Variants in POC1A observed in about 807,000 individuals in gnomAD.
POC1A encodes POC1 centriolar protein A.
Under a neutral mutation model 47.8 loss-of-function variants are expected in POC1A, and 34 were observed. The ratio of observed to expected loss-of-function variants is 0.71; its 90% CI spans 0.54 to 0.95. The LOEUF (loss-of-function observed/expected upper bound fraction) is 0.95. Ranked by LOEUF, POC1A falls within the 40% of genes least tolerant of loss-of-function variation. The pLI is 0.00. For synonymous variants in POC1A, 177 were observed against 207.6 expected (o/e 0.85, Z 1.27); for missense variants, 466 against 528.3 (o/e 0.88, Z 1.16).
At chr3:52,110,088 C>T (rs1467179892) in intron 9 of POC1A, among the ~76,000 whole-genome samples, 1 of 152,134 alleles carries the variant, frequency 6.6e-6, no homozygotes, top group African/African-American at 2.4e-5. Flanking sequence ...GAAAGACAGC[C>T]CGCCTCTAGC....
rs999793334 is a variant in POC1A at position 52,149,314 on chromosome 3, G to A, written c.351C>T (p.Ser117=). The A allele has an allele frequency of 1.2e-6, 2 of 1,614,184 alleles. No individual in the cohort carries two copies. The highest frequency in any genetic ancestry group is 1.7e-6 in the Non-Finnish European group (2 of 1,180,010). The part of the protein sequence containing the change: ...RSVHFCSDGQ[S]FVTASDDKTV... ...TCTTGTCGTCAGAGGCTGTCACGAA[G>A]GACTGGCCATCACTGCAGAAGTGGA... The change falls in exon 4 of 11, where the codon TCC becomes TCT. Residue 117 remains serine (S), a synonymous_variant. Transcript: ENST00000296484.
At chr3:52,142,748 C>A (rs1178531907) in intron 6 of POC1A, among the ~76,000 whole-genome samples, 1 of 152,186 alleles carries the variant, frequency 6.6e-6, no homozygotes, top group Admixed American at 6.5e-5. Context: ...GCGGATCAGG[C>A]ATCTGTTGCC....
Position 52,143,881 on chromosome 3 carries a change from G to A in POC1A, c.679+1965C>T, listed in dbSNP as rs553488761. On this transcript the variant is annotated intron_variant, in intron 6 of 10. Coordinates refer to ENST00000296484, the MANE Select transcript of POC1A (RefSeq NM_015426.5). Reference sequence around the variant, plus strand: ...CACATCTTTGGGACCCCGAGCCAGAGATGGCATCCAAGGCCCTTCCCAAGG... The same window carrying A: ...CACATCTTTGGGACCCCGAGCCAGAAATGGCATCCAAGGCCCTTCCCAAGG... Among the ~76,000 whole-genome samples the A allele has an allele frequency of 1.6e-4, 24 of 152,306 alleles. No individual in the cohort carries two copies. In the South Asian group the frequency reaches 4.8e-3, roughly 30 times the overall value.
At chr3:52,148,970 T>C (rs889854321) in intron 4 of POC1A, among the ~76,000 whole-genome samples, 3 of 152,188 alleles carry the variant, frequency 2.0e-5, no homozygotes, top group African/African-American at 7.2e-5. Flanking sequence ...TGTCAGAGGG[T>C]CATCATGGCT....
intron 4 of POC1A, among the ~76,000 whole-genome samples, chr3:52,147,648 G>A (rs1698412524): frequency 6.6e-6 from 1 of 151,788 alleles, no homozygotes; most frequent in Admixed American, 6.6e-5. Context: ...TCACTATGTT[G>A]CCCAGGCTGG....
intron 7 of POC1A, among the ~76,000 whole-genome samples, chr3:52,131,542 G>A (rs941540754): frequency 2.6e-5 from 4 of 152,102 alleles, no homozygotes; most frequent in Admixed American, 6.5e-5. Flanking sequence ...GCCACCACGC[G>A]GGTCTCCTGA....
intron 9 of POC1A, among the ~76,000 whole-genome samples, chr3:52,116,162 G>T (rs977490611): frequency 2.0e-5 from 3 of 152,144 alleles, no homozygotes; most frequent in Non-Finnish European, 4.4e-5. Flanking sequence ...AGGACCCCCA[G>T]ATCCAAAGCA....
chr3:52,077,240 G>A (rs1702144840), intron 10 of POC1A, among the ~76,000 whole-genome samples: 1 of 152,252 alleles, frequency 6.6e-6, no homozygotes, highest in Non-Finnish European at 1.5e-5. Context: ...CCTCACCCGT[G>A]TGCTTTCCCA....
intron 6 of POC1A, among the ~76,000 whole-genome samples, chr3:52,139,193 G>T (rs962532550): frequency 1.3e-5 from 2 of 152,186 alleles, no homozygotes; most frequent in Non-Finnish European, 2.9e-5. Flanking sequence ...GCACCTATGT[G>T]TAAGAGGTAC....
intron 9 of POC1A, among the ~76,000 whole-genome samples, chr3:52,100,424 C>T (rs1702960164): frequency 6.6e-6 from 1 of 152,132 alleles, no homozygotes; most frequent in South Asian, 2.1e-4. Context: ...TCCTTCCTAA[C>T]AAGAAAAAGA....
At position 52,138,321 on chromosome 3, in the gene POC1A, T is replaced by A. The variant is rs13064488; in HGVS notation, c.680-19A>T. On this transcript the variant is annotated intron_variant, in intron 6 of 10. Coordinates refer to ENST00000296484, the MANE Select transcript of POC1A (RefSeq NM_015426.5). Reference sequence around the variant, plus strand: ...CTGTGCACTGGGGGAAGGACATCAGTCAGGTGCTGGCTAGGAGGCACAGGG... The same window carrying A: ...CTGTGCACTGGGGGAAGGACATCAGACAGGTGCTGGCTAGGAGGCACAGGG... 64,286 of 1,603,442 alleles carry A rather than the reference T, an allele frequency of 0.04. 1,712 individuals carry two copies. The highest frequency in any genetic ancestry group is 0.045 in the Non-Finnish European group (52,949 of 1,174,702).
intron 9 of POC1A, among the ~76,000 whole-genome samples, chr3:52,119,465 GT>G (rs1703689591): frequency 6.6e-6 from 1 of 151,354 alleles, no homozygotes; most frequent in Admixed American, 6.6e-5. Flanking sequence ...TATGATCATA[GT>G]TCACGATAGC....
At chr3:52,139,090 T>A (rs1007148941) in intron 6 of POC1A, among the ~76,000 whole-genome samples, 1 of 152,158 alleles carries the variant, frequency 6.6e-6, no homozygotes, top group Non-Finnish European at 1.5e-5. Context: ...CCTCGGCCTC[T>A]CAAGGTGCTG....
At chr3:52,148,627 C>T (rs538532069) in intron 4 of POC1A, among the ~76,000 whole-genome samples, 144 of 152,370 alleles carry the variant, frequency 9.5e-4, no homozygotes, top group African/African-American at 3.2e-3. Flanking sequence ...AGCCTCCAGG[C>T]TAAGCCCCCC....
intron 6 of POC1A, among the ~76,000 whole-genome samples, chr3:52,141,767 C>T (rs12629791): frequency 0.26 from 39,431 of 151,686 alleles, 6,344 homozygotes; most frequent in East Asian, 0.44. Context: ...GGTGGGAGGA[C>T]TGCTTGAGCT....
chr3:52,076,044 A>G, intron 10 of POC1A, 59 bp from the exon 11 acceptor site: 1 of 1,374,628 alleles, frequency 7.3e-7, no homozygotes, highest in Non-Finnish European at 1.0e-6. Context: ...TGCTCTAGGG[A>G]CCCCCTTGGC....
chr3:52,149,424 A>T (rs755076385), intron 3 of POC1A, 35 bp from the exon 4 acceptor site: 1 of 1,600,168 alleles, frequency 6.2e-7, no homozygotes, highest in Non-Finnish European at 8.6e-7. Flanking sequence ...AAGGAAACCC[A>T]TAACAGTGAC....
At chr3:52,148,287 C>A (rs1029002592) in intron 4 of POC1A, among the ~76,000 whole-genome samples, 5 of 152,212 alleles carry the variant, frequency 3.3e-5, no homozygotes, top group Non-Finnish European at 7.3e-5. Flanking sequence ...GATCTCAGGA[C>A]CCTAGTCATA....
At chr3:52,125,934 C>A (rs1263469893) in intron 7 of POC1A, among the ~76,000 whole-genome samples, 2 of 152,140 alleles carry the variant, frequency 1.3e-5, no homozygotes, top group Non-Finnish European at 2.9e-5. Flanking sequence ...GATCTCCTAG[C>A]AAAGGAGGGT....
Sources: allele counts gnomAD v4.1 joint callset (sites outside exome capture counted in the v4.1 genomes callset), GRCh38; gene constraint gnomAD v4.1.1; transcripts MANE v1.5; gene names NCBI Gene and HGNC (gene_info 2026-07-23, HGNC 2026-07-21).